The following FSHR variants were observed in gnomAD, a reference collection of about 807,000 sequenced individuals.
The protein encoded by FSHR is follicle stimulating hormone receptor.
FSHR carries 46 observed loss-of-function variants against 52.1 expected under a neutral mutation model. The ratio of observed to expected loss-of-function variants is 0.88; its 90% confidence interval spans 0.70 to 1.13. The LOEUF (loss-of-function observed/expected upper bound fraction) is 1.13, where lower values mean the gene tolerates loss of function less well. FSHR is among the 50% of genes most tolerant of loss of function. The probability of loss-of-function intolerance (pLI) is 0.00; values close to 1 mark genes in which losing one functional copy is unlikely to be tolerated. For missense variants in FSHR, 964 were observed against 834.6 expected, an observed-to-expected ratio of 1.16 and a Z score of -1.91; for synonymous variants, 399 against 309.6, an observed-to-expected ratio of 1.29 and a Z score of -3.03.
At chr2:49,130,201 A>G (rs1672213905) in intron 1 of FSHR, among the ~76,000 whole-genome samples, 1 of 152,204 alleles carries the variant, frequency 6.6e-6, no homozygotes, top group South Asian at 2.1e-4. Context: ...TGCTAGGAGG[A>G]ATAAATAAGG....
At chr2:49,151,433 A>T (rs1398538312) in intron 1 of FSHR, among the ~76,000 whole-genome samples, 1 of 152,158 alleles carries the variant, frequency 6.6e-6, no homozygotes, top group Non-Finnish European at 1.5e-5. Flanking sequence ...AATGAAATCT[A>T]CTTGCCTGTT....
intron 2 of FSHR, among the ~76,000 whole-genome samples, chr2:49,029,955 G>C (rs1470780724): frequency 6.6e-6 from 1 of 152,174 alleles, no homozygotes; most frequent in African/African-American, 2.4e-5. Context: ...ATGACAGCCA[G>C]CTTTCATTTT....
intron 2 of FSHR, among the ~76,000 whole-genome samples, chr2:49,066,811 C>A (rs1669519237): frequency 6.6e-6 from 1 of 152,062 alleles, no homozygotes; most frequent in Non-Finnish European, 1.5e-5. Context: ...TCTGAAATGC[C>A]TGTCTTTAGA....
intron 1 of FSHR, among the ~76,000 whole-genome samples, chr2:49,089,616 A>G (rs202199596): frequency 2.6e-5 from 4 of 152,202 alleles, no homozygotes; most frequent in African/African-American, 9.6e-5. Flanking sequence ...CAATGCAACA[A>G]TGATATAATA....
At chr2:48,965,948 G>A (rs890752957) in intron 9 of FSHR, among the ~76,000 whole-genome samples, 1 of 152,162 alleles carries the variant, frequency 6.6e-6, no homozygotes, top group Non-Finnish European at 1.5e-5. Context: ...TGAAAAAGTG[G>A]CACTCTTGGA....
At chr2:49,081,639 A>G (rs1255539851) in intron 1 of FSHR, among the ~76,000 whole-genome samples, 1 of 152,202 alleles carries the variant, frequency 6.6e-6, no homozygotes, top group Non-Finnish European at 1.5e-5. Context: ...AAGATTAAAT[A>G]ATTCACCACT....
At chr2:49,098,689 T>C (rs965613734) in intron 1 of FSHR, among the ~76,000 whole-genome samples, 3 of 149,492 alleles carry the variant, frequency 2.0e-5, no homozygotes, top group Non-Finnish European at 3.0e-5. Context: ...TGTATGTGTG[T>C]GTATGTGTAC....
rs554035294 is a variant in FSHR at position 49,127,800 on chromosome 2, T to C, written c.152+26466A>G. Among the ~76,000 whole-genome samples the C allele has an allele frequency of 4.3e-4, 25 of 57,828 alleles. 1 individual carries two copies. Among genetic ancestry groups the C allele is most frequent in the African/African-American group, 1.6e-3 (22 of 13,740 alleles). 37.9% of individuals were successfully genotyped at this position (57,828 alleles called of 152,430 possible). ...CTTCTTCTTCTTCTTCTTCTTCTTC[T>C]TCTTCTTCTTCTTCTTCTTCTTCTT... On this transcript the variant is annotated intron_variant, in intron 1 of 9. Transcript: ENST00000406846.
intron 6 of FSHR, among the ~76,000 whole-genome samples, chr2:48,986,355 A>C (rs1028797871): frequency 6.7e-6 from 1 of 149,058 alleles, no homozygotes; most frequent in African/African-American, 2.5e-5. Context: ...ATTGCTATCC[A>C]TAGAATACTT....
intron 2 of FSHR, 95 bp from the exon 3 acceptor site, chr2:49,020,255 A>G: frequency 9.6e-7 from 1 of 1,038,892 alleles, no homozygotes; most frequent in South Asian, 1.3e-5. Flanking sequence ...GGGAGGATTC[A>G]CAAGACACAC....
intron 1 of FSHR, among the ~76,000 whole-genome samples, chr2:49,075,972 A>G (rs1292791933): frequency 6.6e-6 from 1 of 152,202 alleles, no homozygotes; most frequent in Non-Finnish European, 1.5e-5. Flanking sequence ...GAAAACATGG[A>G]TAATTTTTAC....
At chr2:49,075,269 A>G (rs1669907342) in intron 1 of FSHR, among the ~76,000 whole-genome samples, 1 of 152,208 alleles carries the variant, frequency 6.6e-6, no homozygotes, top group South Asian at 2.1e-4. Flanking sequence ...GTTCTGATGC[A>G]TTGAAACATC....
chr2:49,133,809 G>C (rs979165705), intron 1 of FSHR, among the ~76,000 whole-genome samples: 1 of 152,070 alleles, frequency 6.6e-6, no homozygotes, highest in African/African-American at 2.4e-5. Flanking sequence ...ACAAAAAAAA[G>C]CAATGGGGAA....
At chr2:48,980,731 G>C (rs1171971808) in intron 8 of FSHR, among the ~76,000 whole-genome samples, 1 of 152,128 alleles carries the variant, frequency 6.6e-6, no homozygotes, top group African/African-American at 2.4e-5. Context: ...GGAATGTGAG[G>C]CAGAAGACCT....
intron 1 of FSHR, among the ~76,000 whole-genome samples, chr2:49,068,544 C>G (rs1031424114): frequency 6.6e-6 from 1 of 152,018 alleles, no homozygotes; most frequent in Admixed American, 6.6e-5. Context: ...ATGGCTGATA[C>G]ATGACAGAGA....
At chr2:49,051,063 C>T (rs915746677) in intron 2 of FSHR, among the ~76,000 whole-genome samples, 6 of 152,094 alleles carry the variant, frequency 3.9e-5, no homozygotes, top group African/African-American at 1.4e-4. Flanking sequence ...TACATATTAG[C>T]AGTGTATTCT....
intron 1 of FSHR, among the ~76,000 whole-genome samples, chr2:49,077,226 G>T (rs1188840276): frequency 2.0e-5 from 3 of 152,242 alleles, no homozygotes; most frequent in Non-Finnish European, 4.4e-5. Context: ...CTAGGTGGAG[G>T]TTTCCGAACC....
At chr2:49,152,684 G>GCTT (rs1215050179) in intron 1 of FSHR, among the ~76,000 whole-genome samples, 1 of 152,128 alleles carries the variant, frequency 6.6e-6, no homozygotes, top group East Asian at 1.9e-4. Context: ...GGATGACACT[G>GCTT]CTTGACCCAC....
intron 9 of FSHR, among the ~76,000 whole-genome samples, chr2:48,967,470 T>C (rs577135552): frequency 6.6e-6 from 1 of 152,310 alleles, no homozygotes; most frequent in South Asian, 2.1e-4. Flanking sequence ...GGTATCTTTC[T>C]CACTCTGGAT....
Sources: allele counts gnomAD v4.1 joint callset (sites outside exome capture counted in the v4.1 genomes callset), GRCh38; gene constraint gnomAD v4.1.1; transcripts MANE v1.5; gene names NCBI Gene and HGNC (gene_info 2026-07-23, HGNC 2026-07-21).